The following SHANK2 variants were observed in gnomAD, a reference collection of about 807,000 sequenced individuals.
The protein encoded by SHANK2 is SH3 and multiple ankyrin repeat domains 2.
Under a neutral mutation model 133.7 loss-of-function variants are expected in SHANK2, and 43 were observed. The observed-to-expected ratio is 0.32, with a 90% confidence interval of 0.25 to 0.41. The LOEUF (loss-of-function observed/expected upper bound fraction) is 0.41, where lower values mean the gene tolerates loss of function less well. SHANK2 is among the 10% of genes least tolerant of loss of function. SHANK2 has a pLI of 1.00. For synonymous variants in SHANK2, 1,017 were observed against 952.8 expected, an observed-to-expected ratio of 1.07 and a Z score of -1.24; for missense variants, 1,994 against 2,235.8, an observed-to-expected ratio of 0.89 and a Z score of 2.18.
chr11:70,647,755 C>T (rs1385594530), intron 17 of SHANK2, among the ~76,000 whole-genome samples: 1 of 152,166 alleles, frequency 6.6e-6, no homozygotes, highest in Admixed American at 6.5e-5. Flanking sequence ...GGGGACAGGA[C>T]CCCCTTCCCT....
At chr11:70,491,822 CG>C (rs2058890700) in intron 22 of SHANK2, among the ~76,000 whole-genome samples, 1 of 152,234 alleles carries the variant, frequency 6.6e-6, no homozygotes, top group Non-Finnish European at 1.5e-5. Flanking sequence ...GACCATGGCA[CG>C]GGCAGCCTGC....
intron 2 of SHANK2, among the ~76,000 whole-genome samples, chr11:71,189,121 G>C (rs868960584): frequency 1.3e-5 from 2 of 152,164 alleles, no homozygotes; most frequent in Non-Finnish European, 1.5e-5. Flanking sequence ...TGAAATCCCC[G>C]ACCACTCATT....
At chr11:70,928,321 C>T (rs1209782388) in intron 10 of SHANK2, among the ~76,000 whole-genome samples, 1 of 152,130 alleles carries the variant, frequency 6.6e-6, no homozygotes, top group East Asian at 1.9e-4. Flanking sequence ...AACTGGAAGG[C>T]AGAGATCTGA....
chr11:71,251,604 G>C (rs1208317538), intron 1 of SHANK2, among the ~76,000 whole-genome samples: 1 of 151,438 alleles, frequency 6.6e-6, no homozygotes, highest in Non-Finnish European at 1.5e-5. Context: ...AGGGAAACTT[G>C]ATCAACTCGA....
chr11:70,504,362 A>G (rs2059105934), intron 17 of SHANK2, among the ~76,000 whole-genome samples: 2 of 151,580 alleles, frequency 1.3e-5, no homozygotes, highest in African/African-American at 4.9e-5. Flanking sequence ...CTGGCTCCCC[A>G]TACTGTTGAC....
chr11:71,112,126 G>A (rs896942648), intron 5 of SHANK2, among the ~76,000 whole-genome samples: 5 of 152,236 alleles, frequency 3.3e-5, no homozygotes, highest in African/African-American at 1.2e-4. Context: ...GGGCACAGTG[G>A]CTCACGCCTG....
chr11:71,169,110 A>G lies in SHANK2; in HGVS notation c.-12-21772T>C, dbSNP rs190579527. Among the ~76,000 whole-genome samples the G allele has an allele frequency of 5.9e-5, 9 of 152,268 alleles. No homozygotes were observed. The East Asian group carries it at 1.2e-3, about 20-fold the overall frequency. ...CTCCACCACAGGGATGGAAGGGGAAAGCTTTATGGGGTGAACACAGACGCA... is the reference window on the plus strand; with the variant it reads ...CTCCACCACAGGGATGGAAGGGGAAGGCTTTATGGGGTGAACACAGACGCA... On this transcript the variant is annotated intron_variant, in intron 2 of 25. Transcript: ENST00000601538.
intron 14 of SHANK2, among the ~76,000 whole-genome samples, chr11:70,790,700 A>G (rs1555047777): frequency 6.6e-6 from 1 of 152,110 alleles, no homozygotes; most frequent in Non-Finnish European, 1.5e-5. Context: ...CTCTATCTGT[A>G]TCTACATCTG....
chr11:70,631,518 A>G (rs1261527929), intron 17 of SHANK2, among the ~76,000 whole-genome samples: 3 of 151,838 alleles, frequency 2.0e-5, no homozygotes, highest in African/African-American at 7.3e-5. Context: ...CTCCTAATCC[A>G]CTCGGCAAAG....
In SHANK2 at chr11:70,473,683, G is replaced by A. The variant is rs1320506349; in HGVS notation, c.4980-244C>T. ...CCCACTCACCTGAACTGGGACAGAG[G>A]GGCTGGGGGACCTGCCTGTGCTGGG... On this transcript the variant is annotated intron_variant, in intron 25 of 25. Transcript: ENST00000601538. This position sits in a 1 kb window ranked among gnomAD's most constrained non-coding sequence, Gnocchi z 5.9. The A allele has an allele frequency of 1.7e-6, 1 of 600,740 alleles. No individual in the cohort carries two copies. The highest frequency in any genetic ancestry group is 3.0e-5 in the East Asian group (1 of 32,802). The allele number at this position is 600,740 out of a possible 1,614,324, so 37.2% of individuals were successfully genotyped here. A position where few individuals can be genotyped will look rare whatever the true frequency, so the allele number is the denominator to read the frequency against.
chr11:70,895,402 C>G (rs2135655196), intron 11 of SHANK2: 1 of 152,776 alleles, frequency 6.5e-6, no homozygotes, highest in East Asian at 1.9e-4. Context: ...CTCACCACTG[C>G]CGGTCCAATG....
chr11:71,194,315 C>A lies in SHANK2; in HGVS notation c.-13+30382G>T, dbSNP rs1453718084. ...CGATGGAGTTGATGTCATGAAGAGA[C>A]CCCAGCATCAGTGCCGCGTGTGACA... is the stretch of plus-strand genomic sequence containing the variant. On this transcript the variant is annotated intron_variant, in intron 2 of 25. Coordinates refer to ENST00000601538, the MANE Select transcript of SHANK2 (RefSeq NM_012309.5). Among the ~76,000 whole-genome samples, 3 of 152,174 alleles carry A rather than the reference C, an allele frequency of 2.0e-5. No individual in the cohort carries two copies. The East Asian group carries it at 5.8e-4, about 29-fold the overall frequency.
chr11:70,528,008 G>A (rs1349333704), intron 17 of SHANK2, among the ~76,000 whole-genome samples: 1 of 152,238 alleles, frequency 6.6e-6, no homozygotes, highest in Non-Finnish European at 1.5e-5. Context: ...GCTGCCAGGA[G>A]CATCTGCAGC....
chr11:70,819,619 G>T (rs1250839013), intron 12 of SHANK2, among the ~76,000 whole-genome samples: 2 of 152,184 alleles, frequency 1.3e-5, no homozygotes, highest in African/African-American at 2.4e-5. Flanking sequence ...CGCCGAATGG[G>T]GTGCTGGGCA....
intron 9 of SHANK2, among the ~76,000 whole-genome samples, chr11:71,070,729 G>A (rs950577841): frequency 1.3e-5 from 2 of 152,270 alleles, no homozygotes; most frequent in African/African-American, 4.8e-5. Flanking sequence ...CTTACATACT[G>A]TCTATGGCTG....
At chr11:71,211,098 C>T (rs1343768181) in intron 2 of SHANK2, among the ~76,000 whole-genome samples, 5 of 152,054 alleles carry the variant, frequency 3.3e-5, no homozygotes, top group African/African-American at 1.2e-4. Context: ...GATGACAGCT[C>T]CCTGAGACAC....
In SHANK2 at chr11:70,812,312, G is replaced by A. The variant is rs140180609; in HGVS notation, c.1494-5141C>T. On this transcript the variant is annotated intron_variant, in intron 12 of 25. Transcript: ENST00000601538. ...CTTCTAGACCAGAGTGGTGTACACG[G>A]TTGCAGGCAGTGATTACCGGGCAGT... Among the ~76,000 whole-genome samples, 780 of 152,340 alleles carry A rather than the reference G, an allele frequency of 5.1e-3. 7 individuals carry two copies. Among genetic ancestry groups the A allele is most frequent in the African/African-American group, 0.018 (737 of 41,576 alleles).
At chr11:70,734,553 T>C (rs1946362188) in intron 14 of SHANK2, among the ~76,000 whole-genome samples, 1 of 152,122 alleles carries the variant, frequency 6.6e-6, no homozygotes, top group South Asian at 2.1e-4. Context: ...TGCTGTGTGC[T>C]TCAAAGGATC....
intron 17 of SHANK2, among the ~76,000 whole-genome samples, chr11:70,609,543 G>A (rs2060626253): frequency 1.3e-5 from 2 of 152,068 alleles, no homozygotes; most frequent in South Asian, 4.2e-4. Flanking sequence ...GAGAGGCGGT[G>A]GAAACAGCCC....
Sources: gnomAD v4.1 joint callset for allele counts (sites outside exome capture counted in the v4.1 genomes callset) on GRCh38, gnomAD v4.1.1 for gene constraint, Gnocchi (gnomAD v3.1) non-coding constraint, MANE v1.5 for transcripts, NCBI Gene and HGNC (gene_info 2026-07-23, HGNC 2026-07-21) for gene names.